Variants in NEDD9 observed in about 807,000 individuals in gnomAD.
NEDD9 encodes neural precursor cell expressed, developmentally down-regulated 9, also known as enhancer of filamentation 1.
In NEDD9, 26 loss-of-function variants were observed where a neutral mutation model predicts 76.6. That is an observed-to-expected ratio of 0.34 (90% CI 0.25 to 0.47). The LOEUF (loss-of-function observed/expected upper bound fraction) is 0.47. Among genes scored for constraint, NEDD9 ranks in the 20% least tolerant of loss-of-function variants. The pLI is 1.00. For missense variants in NEDD9, 937 were observed against 1,058.5 expected (o/e 0.89, Z 1.59); for synonymous variants, 392 against 414.2 (o/e 0.95, Z 0.65).
chr6:11,298,905 C>T (rs1760967439), intron 3 of NEDD9, among the ~76,000 whole-genome samples: 1 of 152,166 alleles, frequency 6.6e-6, no homozygotes, highest in South Asian at 2.1e-4. Context: ...CTCCAGTCTG[C>T]AGCTCCCAGC....
chr6:11,321,023 G>A (rs192092973), intron 2 of NEDD9, among the ~76,000 whole-genome samples: 44 of 151,664 alleles, frequency 2.9e-4, no homozygotes, highest in South Asian at 6.3e-4. Flanking sequence ...AAAAAAACCT[G>A]TTGAAGCATG....
intron 3 of NEDD9, among the ~76,000 whole-genome samples, chr6:11,267,267 G>A (rs1581990390): frequency 6.6e-6 from 1 of 151,824 alleles, no homozygotes; most frequent in Admixed American, 6.6e-5. Flanking sequence ...CAAGTGGCTT[G>A]TAATGTACCA....
chr6:11,332,471 G>A (rs563420021), intron 2 of NEDD9, among the ~76,000 whole-genome samples: 26 of 152,248 alleles, frequency 1.7e-4, no homozygotes, highest in Non-Finnish European at 2.2e-4. Flanking sequence ...CTCACATTGC[G>A]CTACGTCCGC....
At chr6:11,236,961 G>A (rs1345818839), upstream of NEDD9, among the ~76,000 whole-genome samples, 4 of 152,068 alleles carry the variant, frequency 2.6e-5, no homozygotes, top group Admixed American at 6.5e-5. This position sits in a 1 kb window ranked among gnomAD's most constrained non-coding sequence, Gnocchi z 5.5. Flanking sequence ...TGGGGTTGCC[G>A]GGAACTTACT....
At chr6:11,262,007 C>T (rs1581988423) in intron 3 of NEDD9, among the ~76,000 whole-genome samples, 3 of 152,310 alleles carry the variant, frequency 2.0e-5, no homozygotes, top group South Asian at 2.1e-4. Context: ...TTAACTTTAT[C>T]TGACTTTGGA....
At chr6:11,298,127 C>T (rs774724692) in intron 3 of NEDD9, among the ~76,000 whole-genome samples, 4 of 151,992 alleles carry the variant, frequency 2.6e-5, no homozygotes, top group Admixed American at 1.3e-4. Context: ...AGGCTGCTCT[C>T]GAACTCCTGA....
intron 2 of NEDD9, among the ~76,000 whole-genome samples, chr6:11,329,095 G>A (rs1161201396): frequency 6.6e-6 from 1 of 152,242 alleles, no homozygotes; most frequent in Admixed American, 6.5e-5. Flanking sequence ...AGCACATAAA[G>A]TCTTGCCTGG....
chr6:11,337,965 A>G (rs1451891744), intron 1 of NEDD9, among the ~76,000 whole-genome samples: 1 of 152,186 alleles, frequency 6.6e-6, no homozygotes, highest in African/African-American at 2.4e-5. Context: ...TGTGCTTCAT[A>G]GACACATAGC....
chr6:11,270,638 A>G (rs546888257), intron 3 of NEDD9, among the ~76,000 whole-genome samples: 2 of 152,338 alleles, frequency 1.3e-5, no homozygotes, highest in African/African-American at 4.8e-5. Flanking sequence ...ACGTCCGCAT[A>G]CAGGAGCTGG....
At chr6:11,289,928 TAAAAATTCAGGC>T (rs1479960712) in intron 3 of NEDD9, among the ~76,000 whole-genome samples, 1 of 152,154 alleles carries the variant, frequency 6.6e-6, no homozygotes, top group Non-Finnish European at 1.5e-5. Flanking sequence ...GGTGAAAATC[TAAAAATTCAGGC>T]AAAAAATCCT....
intron 2 of NEDD9, chr6:11,328,662 G>GCA (rs538118263): frequency 1.3e-5 from 2 of 152,348 alleles, no homozygotes; most frequent in South Asian, 4.1e-4. Flanking sequence ...AAAGCTAAAG[G>GCA]CCGGTGTGCA....
At chr6:11,191,313 C>A in intron 4 of NEDD9, 108 bp from the exon 5 acceptor site, 1 of 1,188,950 alleles carries the variant, frequency 8.4e-7, no homozygotes, top group Non-Finnish European at 1.1e-6. Context: ...TCGCCCTCCC[C>A]CGCCCCAATG....
At chr6:11,265,283 G>T (rs1296121030) in intron 3 of NEDD9, among the ~76,000 whole-genome samples, 1 of 152,204 alleles carries the variant, frequency 6.6e-6, no homozygotes, top group Non-Finnish European at 1.5e-5. Flanking sequence ...TATGGACAAG[G>T]AGAGATAAGT....
At chr6:11,228,499 C>CT (rs201076667) in intron 1 of NEDD9, among the ~76,000 whole-genome samples, 2,402 of 152,170 alleles carry the variant, frequency 0.016, 31 homozygotes, top group Non-Finnish European at 0.025. Context: ...CACTGCACTC[C>CT]AGCCTGGGCG....
At chr6:11,339,770 G>A (rs1300404864) in intron 1 of NEDD9, among the ~76,000 whole-genome samples, 1 of 152,106 alleles carries the variant, frequency 6.6e-6, no homozygotes, top group African/African-American at 2.4e-5. Flanking sequence ...ACTTGACTGG[G>A]TTCTCTCTAT....
chr6:11,312,490 A>G (rs1357667266), intron 2 of NEDD9, among the ~76,000 whole-genome samples: 1 of 152,186 alleles, frequency 6.6e-6, no homozygotes, highest in African/African-American at 2.4e-5. Flanking sequence ...GGATTACTGC[A>G]TTGGCCCTTG....
intron 1 of NEDD9, among the ~76,000 whole-genome samples, chr6:11,227,037 T>A (rs978780720): frequency 1.3e-5 from 2 of 152,350 alleles, no homozygotes; most frequent in African/African-American, 4.8e-5. Context: ...TCCTCTTAAA[T>A]GGCTATTTGT....
chr6:11,262,247 G>A (rs1295913024), intron 3 of NEDD9, among the ~76,000 whole-genome samples: 1 of 152,188 alleles, frequency 6.6e-6, no homozygotes, highest in Non-Finnish European at 1.5e-5. Flanking sequence ...AAATTAGCAA[G>A]AAACTTCCAA....
rs139033532 is a variant in NEDD9 at position 11,232,100 on chromosome 6, A to G, written c.12+404T>C. On this transcript the variant is annotated intron_variant, in intron 1 of 6. Transcript: ENST00000379446. Reference sequence around the variant, plus strand: ...ACTAAGAGCCAGTCTGAGACAGACTATGCAGTCCTCATTCCTCTCATTACA... The same window carrying G: ...ACTAAGAGCCAGTCTGAGACAGACTGTGCAGTCCTCATTCCTCTCATTACA... Among the ~76,000 whole-genome samples the G allele has an allele frequency of 1.0e-3, 156 of 152,276 alleles. 1 individual carries two copies. Among genetic ancestry groups the G allele is most frequent in the Non-Finnish European group, 1.8e-3 (125 of 68,002 alleles).
Sources: gnomAD v4.1 joint callset for allele counts (sites outside exome capture counted in the v4.1 genomes callset) on GRCh38, gnomAD v4.1.1 for gene constraint, Gnocchi (gnomAD v3.1) non-coding constraint, MANE v1.5 for transcripts, NCBI Gene and HGNC (gene_info 2026-07-23, HGNC 2026-07-21) for gene names.